Variants in ST3GAL3 observed in about 807,000 individuals in gnomAD.
The protein encoded by ST3GAL3 is CMP-N-acetylneuraminate-beta-1,4-galactoside alpha-2,3-sialyltransferase.
ST3GAL3 carries 21 observed loss-of-function variants against 50.1 expected under a neutral mutation model. That is an observed-to-expected ratio of 0.42 (90% confidence interval 0.30 to 0.60). ST3GAL3 has a LOEUF of 0.60. Among genes scored for constraint, ST3GAL3 ranks in the 20% least tolerant of loss-of-function variants. The pLI is 0.19. For synonymous variants in ST3GAL3, 183 were observed against 190.0 expected (o/e 0.96, Z 0.30); for missense variants, 353 against 489.4 (o/e 0.72, Z 2.63).
At chr1:43,742,716 T>C (rs1035572285) in intron 2 of ST3GAL3, among the ~76,000 whole-genome samples, 2 of 152,032 alleles carry the variant, frequency 1.3e-5, no homozygotes, top group African/African-American at 4.8e-5. Context: ...GAACAATGAG[T>C]AGTCTCAGCA....
rs1307580165 is a variant in ST3GAL3, at chr1:43,851,258, G to C, written c.302+12947G>C. ...AGATTCAAAGAAGATGGACGTGGCA[G>C]AGATTTTCTTCTTGTCTGTCATGAA... On this transcript the variant is annotated intron_variant, in intron 5 of 11. Coordinates refer to ENST00000347631, the MANE Select transcript of ST3GAL3 (RefSeq NM_006279.5). 8 of 1,577,752 alleles carry C rather than the reference G, an allele frequency of 5.1e-6. 1 individual carries two copies. In the South Asian group the frequency reaches 6.6e-5, roughly 13 times the overall value.
chr1:43,749,706 C>A (rs1053515446), intron 2 of ST3GAL3, among the ~76,000 whole-genome samples: 12 of 152,330 alleles, frequency 7.9e-5, no homozygotes, highest in African/African-American at 2.4e-4. Context: ...TCCAGAAATT[C>A]TTGTGTTAGA....
chr1:43,732,030 T>TGG (rs1292380693), intron 1 of ST3GAL3, among the ~76,000 whole-genome samples: 1 of 152,224 alleles, frequency 6.6e-6, no homozygotes, highest in East Asian at 1.9e-4. Context: ...GTTGCCAGTA[T>TGG]GGGGCCATAT....
chr1:43,905,129 C>T (rs1354053968), intron 9 of ST3GAL3, among the ~76,000 whole-genome samples: 1 of 139,304 alleles, frequency 7.2e-6, no homozygotes, highest in African/African-American at 2.7e-5. Context: ...CACTCTTCCT[C>T]CTCCTCCTCC....
At chr1:43,887,429 G>A (rs907372717) in intron 5 of ST3GAL3, among the ~76,000 whole-genome samples, 4 of 152,292 alleles carry the variant, frequency 2.6e-5, no homozygotes, top group East Asian at 1.9e-4. Context: ...GAAATCAAGT[G>A]GGTTTGGAGT....
intron 9 of ST3GAL3, among the ~76,000 whole-genome samples, chr1:43,908,161 C>G (rs977430916): frequency 1.5e-4 from 23 of 152,214 alleles, no homozygotes; most frequent in African/African-American, 4.6e-4. Flanking sequence ...CTTTGCCTTC[C>G]ATATTCGACT....
At chr1:43,862,800 T>A (rs1273588086) in intron 5 of ST3GAL3, among the ~76,000 whole-genome samples, 1 of 150,304 alleles carries the variant, frequency 6.7e-6, no homozygotes, top group Non-Finnish European at 1.5e-5. Flanking sequence ...CTTGTAGCCC[T>A]AGCTATTCAG....
intron 3 of ST3GAL3, chr1:43,801,281 G>A (rs1286363119): frequency 2.2e-6 from 1 of 456,252 alleles, no homozygotes; most frequent in East Asian, 6.9e-5. Context: ...CTTTGTGCCA[G>A]GTACAGTGAC....
intron 11 of ST3GAL3, among the ~76,000 whole-genome samples, chr1:43,926,889 G>T (rs371415120): frequency 1.3e-5 from 2 of 152,092 alleles, no homozygotes; most frequent in African/African-American, 4.8e-5. Flanking sequence ...GAGTACAGAG[G>T]ATAATATCAT....
chr1:43,878,106 G>A (rs1022635123), intron 5 of ST3GAL3, among the ~76,000 whole-genome samples: 21 of 152,174 alleles, frequency 1.4e-4, no homozygotes, highest in African/African-American at 4.8e-4. Context: ...TCCGTCTCTC[G>A]CCTCTTCTGC....
chr1:43,863,923 C>A (rs2070677276), intron 5 of ST3GAL3, among the ~76,000 whole-genome samples: 1 of 152,214 alleles, frequency 6.6e-6, no homozygotes, highest in African/African-American at 2.4e-5. Context: ...CTCCCTGAAC[C>A]CCTAAGCATT....
chr1:43,880,044 G>A (rs1459666372), intron 5 of ST3GAL3, among the ~76,000 whole-genome samples: 3 of 152,176 alleles, frequency 2.0e-5, no homozygotes, highest in Non-Finnish European at 2.9e-5. Flanking sequence ...TCCCAGGGGA[G>A]CATGAATTGG....
chr1:43,777,721 C>A (rs1163026280), intron 2 of ST3GAL3, among the ~76,000 whole-genome samples: 2 of 152,142 alleles, frequency 1.3e-5, no homozygotes, highest in African/African-American at 2.4e-5. Context: ...ATGAAAATGC[C>A]AAAAGCAATT....
intron 2 of ST3GAL3, among the ~76,000 whole-genome samples, chr1:43,747,245 T>C (rs1241213478): frequency 2.0e-5 from 3 of 151,974 alleles, no homozygotes; most frequent in African/African-American, 7.2e-5. Flanking sequence ...CCATCTCTAC[T>C]AAAAATACAA....
At chr1:43,905,482 C>G (rs1303792567) in intron 9 of ST3GAL3, among the ~76,000 whole-genome samples, 1 of 143,408 alleles carries the variant, frequency 7.0e-6, no homozygotes, top group Non-Finnish European at 1.5e-5. Context: ...TCCTGTTCCC[C>G]TTCCCACCAC....
At chr1:43,780,756 C>T (rs965926474) in intron 2 of ST3GAL3, among the ~76,000 whole-genome samples, 1 of 151,768 alleles carries the variant, frequency 6.6e-6, no homozygotes, top group African/African-American at 2.4e-5. Context: ...TTTATGATAT[C>T]CTCCACCTGT....
At chr1:43,880,174 C>T (rs2154255137) in intron 5 of ST3GAL3, among the ~76,000 whole-genome samples, 1 of 152,276 alleles carries the variant, frequency 6.6e-6, no homozygotes. Context: ...GCTAGGGGTG[C>T]CACAAAGTCT....
At chr1:43,865,178 G>A (rs1222893845) in intron 5 of ST3GAL3, among the ~76,000 whole-genome samples, 1 of 151,870 alleles carries the variant, frequency 6.6e-6, no homozygotes, top group Non-Finnish European at 1.5e-5. Context: ...CACCACGCCC[G>A]GCTATTTTTT....
At chr1:43,828,618 A>T (rs2154189845) in intron 4 of ST3GAL3, among the ~76,000 whole-genome samples, 1 of 152,360 alleles carries the variant, frequency 6.6e-6, no homozygotes, top group Non-Finnish European at 1.5e-5. Context: ...CAGATGGTCA[A>T]AAAAGATATG....
Sources: allele counts gnomAD v4.1 joint callset (sites outside exome capture counted in the v4.1 genomes callset), GRCh38; gene constraint gnomAD v4.1.1; transcripts MANE v1.5; gene names NCBI Gene and HGNC (gene_info 2026-07-23, HGNC 2026-07-21).